MITF: variants seen among roughly 807,000 people sequenced by gnomAD.
MITF encodes melanocyte inducing transcription factor.
MITF carries 17 observed loss-of-function variants against 60.5 expected under a neutral mutation model. That is an observed-to-expected ratio of 0.28 (90% confidence interval 0.19 to 0.42). The LOEUF is 0.42. Among genes scored for constraint, MITF ranks in the 10% least tolerant of loss-of-function variants. MITF has a pLI of 1.00. For synonymous variants in MITF, 260 were observed against 248.5 expected, an observed-to-expected ratio of 1.05 and a Z score of -0.43; for missense variants, 622 against 683.5, an observed-to-expected ratio of 0.91 and a Z score of 1.00.
chr3:69,866,325 G>T, intron 1 of MITF: 1 of 1,613,820 alleles, frequency 6.2e-7, no homozygotes, highest in South Asian at 1.1e-5. Context: ...TTCATGCCAT[G>T]CTCCTTTGAA....
In MITF at chr3:69,866,377, C is replaced by T. The variant is rs756008904; in HGVS notation, c.105-12757C>T. 8.1e-6 allele frequency: 13 copies of T among 1,612,760 alleles called. No homozygotes were observed. The East Asian group carries it at 8.9e-5, about 11-fold the overall frequency. On this transcript the variant is annotated intron_variant, in intron 1 of 9. Coordinates refer to ENST00000352241, the MANE Select transcript of MITF (RefSeq NM_001354604.2). ...TGAAGTTTTATTCTGGAAATAATCC[C>T]GGGACCACTTAAGAGGAGCAGTTTT... is the stretch of plus-strand genomic sequence containing the variant.
At chr3:69,838,388 T>G (rs992541444) in intron 1 of MITF, among the ~76,000 whole-genome samples, 13 of 151,304 alleles carry the variant, frequency 8.6e-5, no homozygotes, top group Non-Finnish European at 1.9e-4. Context: ...AAAAATGTGA[T>G]GAGTAAATGA....
intron 1 of MITF, among the ~76,000 whole-genome samples, chr3:69,746,515 T>C (rs1181006025): frequency 6.6e-6 from 1 of 152,062 alleles, no homozygotes; most frequent in Admixed American, 6.5e-5. Context: ...ATTTTTTTTG[T>C]GTGTGTGTAT....
intron 1 of MITF, among the ~76,000 whole-genome samples, chr3:69,835,071 T>A (rs2063519999): frequency 7.6e-6 from 1 of 131,110 alleles, no homozygotes; most frequent in African/African-American, 2.9e-5. Context: ...TAGGCTGGAG[T>A]GTGATGGTAC....
intron 2 of MITF, among the ~76,000 whole-genome samples, chr3:69,915,123 C>T (rs560388345): frequency 5.9e-5 from 9 of 152,128 alleles, no homozygotes; most frequent in Non-Finnish European, 1.2e-4. Context: ...TGCAATACTA[C>T]GTAGATTCAG....
intron 2 of MITF, among the ~76,000 whole-genome samples, chr3:69,882,494 C>T (rs2064512019): frequency 6.6e-6 from 1 of 152,050 alleles, no homozygotes; most frequent in East Asian, 1.9e-4. Context: ...TTAACCAACA[C>T]CTGGAGTGCA....
At chr3:69,925,430 C>T (rs910698218) in intron 2 of MITF, among the ~76,000 whole-genome samples, 1 of 152,154 alleles carries the variant, frequency 6.6e-6, no homozygotes, top group African/African-American at 2.4e-5. Flanking sequence ...ATAACAACTT[C>T]TTCATGGTGG....
At chr3:69,763,462 A>T (rs2062240827) in intron 1 of MITF, 1,757 of 762,646 alleles carry the variant, frequency 2.3e-3, no homozygotes, top group Non-Finnish European at 2.7e-3. Context: ...TTCCTGGCTG[A>T]ATTCCCTGTC....
chr3:69,824,907 C>T (rs1232794488), intron 1 of MITF, among the ~76,000 whole-genome samples: 1 of 152,212 alleles, frequency 6.6e-6, no homozygotes, highest in East Asian at 1.9e-4. Context: ...ACTTCCCTGC[C>T]TCCAGATTTC....
rs1189807806 is a variant in MITF, at chr3:69,922,441, C to T, written c.355-15381C>T. 4.6e-5 allele frequency among the ~76,000 whole-genome samples: 7 copies of T among 152,178 alleles called. No homozygotes were observed. In the East Asian group the frequency reaches 5.8e-4, roughly 13 times the overall value. On this transcript the variant is annotated intron_variant, in intron 2 of 9. Transcript: ENST00000352241. ...TTCACCATGTTGGCCAGGATGGTCTCGATCTCTTGACGTTGTGATCCACCT... is the reference window on the plus strand; with the variant it reads ...TTCACCATGTTGGCCAGGATGGTCTTGATCTCTTGACGTTGTGATCCACCT...
intron 1 of MITF, among the ~76,000 whole-genome samples, chr3:69,824,575 A>G (rs9857999): frequency 0.5 from 76,380 of 151,968 alleles, 20,882 homozygotes; most frequent in Non-Finnish European, 0.63. Flanking sequence ...TCTGGCGTGC[A>G]TTCTCACGTG....
chr3:69,851,931 T>A (rs2063830842), intron 1 of MITF, among the ~76,000 whole-genome samples: 1 of 152,208 alleles, frequency 6.6e-6, no homozygotes, highest in Admixed American at 6.5e-5. Flanking sequence ...CACAAATATT[T>A]ATTGGTGAGC....
intron 1 of MITF, among the ~76,000 whole-genome samples, chr3:69,822,789 T>G (rs1338786605): frequency 6.6e-6 from 1 of 152,176 alleles, no homozygotes; most frequent in African/African-American, 2.4e-5. Context: ...ATTTCCTCAT[T>G]TTTAATTTTA....
intron 1 of MITF, among the ~76,000 whole-genome samples, chr3:69,777,132 A>C (rs1246243249): frequency 2.0e-5 from 3 of 152,218 alleles, no homozygotes; most frequent in African/African-American, 7.2e-5. Flanking sequence ...TTTTATATTC[A>C]TGGAAAATGA....
At chr3:69,929,114 G>C (rs2065658055) in intron 2 of MITF, among the ~76,000 whole-genome samples, 1 of 152,116 alleles carries the variant, frequency 6.6e-6, no homozygotes, top group Non-Finnish European at 1.5e-5. Context: ...TTCCAGAGGT[G>C]GTCAGAATCC....
At chr3:69,751,732 A>G (rs1288887112) in intron 1 of MITF, among the ~76,000 whole-genome samples, 1 of 151,976 alleles carries the variant, frequency 6.6e-6, no homozygotes, top group African/African-American at 2.4e-5. Context: ...TCTTTGGGCA[A>G]GTTATTCTTG....
At chr3:69,858,414 T>A (rs539170932) in intron 1 of MITF, among the ~76,000 whole-genome samples, 101 of 152,186 alleles carry the variant, frequency 6.6e-4, no homozygotes, top group Non-Finnish European at 1.2e-3. Context: ...TTTAAAAGTT[T>A]GAGAAATTTG....
chr3:69,954,197 T>C (rs2066341049), intron 7 of MITF, among the ~76,000 whole-genome samples: 1 of 152,220 alleles, frequency 6.6e-6, no homozygotes, highest in Admixed American at 6.5e-5. Context: ...GAAAAAAAGA[T>C]GCAGAGTCCT....
chr3:69,884,223 G>A (rs1345458478), intron 2 of MITF, among the ~76,000 whole-genome samples: 1 of 152,112 alleles, frequency 6.6e-6, no homozygotes, highest in African/African-American at 2.4e-5. Flanking sequence ...CTTCCGTCAT[G>A]TTCCCTGGAA....
Sources: allele counts gnomAD v4.1 joint callset (sites outside exome capture counted in the v4.1 genomes callset), GRCh38; gene constraint gnomAD v4.1.1; transcripts MANE v1.5; gene names NCBI Gene and HGNC (gene_info 2026-07-23, HGNC 2026-07-21).